Variants in LRP1B observed in about 807,000 individuals in gnomAD.
The protein encoded by LRP1B is low-density lipoprotein receptor-related protein 1B.
LRP1B carries 217 observed loss-of-function variants against 556.6 expected under a neutral mutation model. The observed-to-expected ratio is 0.39, with a 90% CI of 0.35 to 0.44. The LOEUF is 0.44. LRP1B is among the 20% of genes least tolerant of loss of function. The probability of loss-of-function intolerance (pLI) is 1.00; values close to 1 mark genes in which losing one functional copy is unlikely to be tolerated. For missense variants in LRP1B, 5,053 were observed against 5,620.8 expected (o/e 0.90, Z 3.23); for synonymous variants, 2,047 against 1,865.8 (o/e 1.10, Z -2.50).
chr2:141,718,805 C>T (rs990251229), intron 2 of LRP1B, among the ~76,000 whole-genome samples: 1 of 152,102 alleles, frequency 6.6e-6, no homozygotes, highest in Non-Finnish European at 1.5e-5. Flanking sequence ...CACATCCTGT[C>T]AATTAGTTCT....
intron 43 of LRP1B, among the ~76,000 whole-genome samples, chr2:140,584,935 T>C (rs1681924747): frequency 6.6e-6 from 1 of 152,118 alleles, no homozygotes; most frequent in Non-Finnish European, 1.5e-5. Context: ...CTTTTTATAA[T>C]TTGTCTTTTA....
At chr2:141,921,081 T>C (rs1220510868) in intron 1 of LRP1B, among the ~76,000 whole-genome samples, 1 of 152,038 alleles carries the variant, frequency 6.6e-6, no homozygotes, top group African/African-American at 2.4e-5. Flanking sequence ...TTTAGGAAGC[T>C]ATGTTCTTTT....
intron 2 of LRP1B, among the ~76,000 whole-genome samples, chr2:141,742,026 C>T (rs541592359): frequency 6.6e-6 from 1 of 152,112 alleles, no homozygotes; most frequent in Admixed American, 6.6e-5. Flanking sequence ...CCAGTTTTCC[C>T]TGCAACATTG....
At chr2:141,131,368 A>G (rs1368134279) in intron 7 of LRP1B, among the ~76,000 whole-genome samples, 1 of 147,042 alleles carries the variant, frequency 6.8e-6, no homozygotes, top group Non-Finnish European at 1.5e-5. Context: ...TACAAATACT[A>G]TGCTATTAAA....
At chr2:140,259,370 T>C (rs142570715) in intron 86 of LRP1B, among the ~76,000 whole-genome samples, 1 of 152,120 alleles carries the variant, frequency 6.6e-6, no homozygotes, top group African/African-American at 2.4e-5. Context: ...TAAGCCTGTC[T>C]AGTTCTTGAC....
chr2:141,857,213 C>T (rs1437677842), intron 1 of LRP1B, among the ~76,000 whole-genome samples: 1 of 152,112 alleles, frequency 6.6e-6, no homozygotes, highest in Non-Finnish European at 1.5e-5. Context: ...TTTTTAGCTT[C>T]CACTTCCAGT....
chr2:141,438,990 T>G (rs1680865390), intron 3 of LRP1B, among the ~76,000 whole-genome samples: 1 of 152,174 alleles, frequency 6.6e-6, no homozygotes, highest in Non-Finnish European at 1.5e-5. Context: ...TTGGGTGGTA[T>G]GATCAAAATT....
intron 35 of LRP1B, among the ~76,000 whole-genome samples, chr2:140,757,068 A>T (rs1011459878): frequency 1.3e-5 from 2 of 152,226 alleles, no homozygotes; most frequent in Non-Finnish European, 2.9e-5. Context: ...AAGATACTCA[A>T]CATCTTTAGG....
At chr2:141,116,907 G>T (rs796267813) in intron 7 of LRP1B, among the ~76,000 whole-genome samples, 1 of 152,140 alleles carries the variant, frequency 6.6e-6, no homozygotes, top group African/African-American at 2.4e-5. Flanking sequence ...GTGATAGTGT[G>T]TTTTCAGTAT....
chr2:141,159,567 A>G (rs896130521), intron 7 of LRP1B, among the ~76,000 whole-genome samples: 1 of 152,052 alleles, frequency 6.6e-6, no homozygotes, highest in Non-Finnish European at 1.5e-5. Flanking sequence ...GAGAGATCCG[A>G]GGGTAATTCT....
At chr2:140,408,095 A>G (rs796159858) in intron 66 of LRP1B, among the ~76,000 whole-genome samples, 48 of 152,138 alleles carry the variant, frequency 3.2e-4, no homozygotes, top group African/African-American at 1.1e-3. Flanking sequence ...ATCAAATACA[A>G]TATGTTCTCC....
intron 1 of LRP1B, among the ~76,000 whole-genome samples, chr2:141,914,113 G>A (rs980318336): frequency 1.5e-4 from 23 of 152,028 alleles, no homozygotes; most frequent in African/African-American, 4.4e-4. Flanking sequence ...ACCTAGGTCC[G>A]TATTAAATTC....
At chr2:141,212,360 G>A (rs1349199008) in intron 6 of LRP1B, among the ~76,000 whole-genome samples, 2 of 130,404 alleles carry the variant, frequency 1.5e-5, no homozygotes, top group Admixed American at 9.1e-5. Context: ...CTCACTGCAA[G>A]CTCCGCCTCC....
At chr2:141,006,101 C>T (rs1257772080) in intron 14 of LRP1B, among the ~76,000 whole-genome samples, 1 of 151,976 alleles carries the variant, frequency 6.6e-6, no homozygotes, top group Non-Finnish European at 1.5e-5. Flanking sequence ...GAATAACATA[C>T]ATTATTCATG....
At chr2:142,035,834 C>G (rs1188639567) in intron 1 of LRP1B, among the ~76,000 whole-genome samples, 6 of 151,680 alleles carry the variant, frequency 4.0e-5, no homozygotes, top group Non-Finnish European at 7.4e-5. Context: ...TCCCAGAATT[C>G]CCACGTGTGA....
At chr2:140,599,346 ACTC>A (rs1219983268) in intron 42 of LRP1B, among the ~76,000 whole-genome samples, 1 of 151,522 alleles carries the variant, frequency 6.6e-6, no homozygotes, top group African/African-American at 2.4e-5. Context: ...AAATTACTAA[ACTC>A]CTGTTTTTTA....
rs34006829 is a variant in LRP1B at position 140,378,294 on chromosome 2, T to TAA, written c.10532-10_10532-9dup. 14 of 1,477,144 alleles carry TAA rather than the reference T, an allele frequency of 9.5e-6. No individual in the cohort carries two copies. The highest frequency in any genetic ancestry group is 1.4e-5 in the African/African-American group (1 of 71,852). 91.5% of individuals were successfully genotyped at this position (1,477,144 alleles called of 1,614,324 possible). ...ATGTACATGTCTGTGGCTCTGGGGA[T>TAA]AAAAAAACAGCACAGGGTTATTCTA... is the stretch of plus-strand genomic sequence containing the variant. On this transcript the variant is annotated splice_polypyrimidine_tract_variant and intron_variant, in intron 67 of 90. Transcript: ENST00000389484.
intron 31 of LRP1B, among the ~76,000 whole-genome samples, chr2:140,834,841 T>C (rs1275514554): frequency 1.3e-5 from 2 of 152,194 alleles, no homozygotes; most frequent in Non-Finnish European, 2.9e-5. Flanking sequence ...AAGAAGAAAG[T>C]TCTCTTTCAG....
chr2:140,996,121 C>T (rs1490782910), intron 15 of LRP1B, among the ~76,000 whole-genome samples: 1 of 151,952 alleles, frequency 6.6e-6, no homozygotes, highest in African/African-American at 2.4e-5. Flanking sequence ...AGCTTGCAAT[C>T]AGGGTAAAAT....
Sources: gnomAD v4.1 joint callset for allele counts (sites outside exome capture counted in the v4.1 genomes callset) on GRCh38, gnomAD v4.1.1 for gene constraint, MANE v1.5 for transcripts, NCBI Gene and HGNC (gene_info 2026-07-23, HGNC 2026-07-21) for gene names.